Variants in BRINP3 observed in about 807,000 individuals in gnomAD.
BRINP3 encodes BMP/retinoic acid inducible neural specific 3.
In BRINP3, 19 loss-of-function variants were observed where a neutral mutation model predicts 71.0. The observed-to-expected ratio is 0.27, with a 90% CI of 0.19 to 0.39. The LOEUF is 0.39. BRINP3 is among the 10% of genes least tolerant of loss of function. The pLI is 1.00. For missense variants in BRINP3, 959 were observed against 940.8 expected, an observed-to-expected ratio of 1.02 and a Z score of -0.25; for synonymous variants, 380 against 337.7, an observed-to-expected ratio of 1.13 and a Z score of -1.37.
chr1:190,309,449 T>C (rs1665363483), intron 2 of BRINP3, among the ~76,000 whole-genome samples: 1 of 151,926 alleles, frequency 6.6e-6, no homozygotes, highest in South Asian at 2.1e-4. Flanking sequence ...TGATAAATTT[T>C]ATGATACGTC....
chr1:190,323,459 C>T (rs565764559), intron 2 of BRINP3, among the ~76,000 whole-genome samples: 1 of 151,514 alleles, frequency 6.6e-6, no homozygotes, highest in African/African-American at 2.4e-5. Flanking sequence ...ATATGAAAAC[C>T]CTTTAACGAT....
At chr1:190,271,637 T>C (rs779032813) in intron 3 of BRINP3, among the ~76,000 whole-genome samples, 8 of 151,570 alleles carry the variant, frequency 5.3e-5, no homozygotes, top group East Asian at 3.9e-4. Flanking sequence ...TCTGCAATGA[T>C]ATACAGAGAG....
At chr1:190,232,324 C>G (rs1487742312) in intron 5 of BRINP3, among the ~76,000 whole-genome samples, 1 of 151,998 alleles carries the variant, frequency 6.6e-6, no homozygotes, top group East Asian at 1.9e-4. Context: ...CCAGAATTAA[C>G]AAATTGTTCC....
At chr1:190,239,499 C>T (rs372675046) in intron 4 of BRINP3, among the ~76,000 whole-genome samples, 15 of 151,964 alleles carry the variant, frequency 9.9e-5, no homozygotes, top group East Asian at 5.8e-4. Context: ...GTTACCCTTT[C>T]GATATAGAAA....
chr1:190,446,972 A>C (rs972667913), intron 2 of BRINP3, among the ~76,000 whole-genome samples: 3 of 151,998 alleles, frequency 2.0e-5, no homozygotes, highest in Admixed American at 2.0e-4. Flanking sequence ...GAAAAAGTGT[A>C]TAAAATTAAA....
At chr1:190,475,826 GT>G (rs994387960) in intron 1 of BRINP3, 31 of 148,896 alleles carry the variant, frequency 2.1e-4, no homozygotes, top group African/African-American at 4.9e-4. Context: ...TGTACTGAAA[GT>G]TTTTTTTTTC....
intron 2 of BRINP3, among the ~76,000 whole-genome samples, chr1:190,429,593 C>CTTT (rs66510191): frequency 4.3e-5 from 6 of 139,008 alleles, no homozygotes; most frequent in Non-Finnish European, 7.8e-5. Flanking sequence ...TTCTTTCTTC[C>CTTT]TTTTTTTTTT....
In BRINP3 at chr1:190,277,113, A is replaced by ATATATATATATATATTTATTTATT. The variant is rs746851050; in HGVS notation, c.427+4446_427+4447insAATAAATAAATATATATATATATA. On this transcript the variant is annotated intron_variant, in intron 3 of 7. Coordinates refer to ENST00000367462, the MANE Select transcript of BRINP3 (RefSeq NM_199051.3). ...TATATATATATATATATATATATAT[A>ATATATATATATATATTTATTTATT]TATATTTATATTCAGAAAAGAAAAC... Among the ~76,000 whole-genome samples the ATATATATATATATATTTATTTATT allele has an allele frequency of 2.8e-5, 3 of 107,486 alleles. No homozygotes were observed. The Admixed American group carries it at 3.4e-4, about 12-fold the overall frequency. The allele number at this position is 107,486 out of a possible 152,430, so 70.5% of individuals were successfully genotyped here.
intron 7 of BRINP3, among the ~76,000 whole-genome samples, chr1:190,144,735 A>C (rs368322870): frequency 7.2e-4 from 109 of 152,226 alleles, no homozygotes; most frequent in African/African-American, 2.4e-3. Context: ...GTATTTTATC[A>C]CTTTTCCCAA....
intron 2 of BRINP3, among the ~76,000 whole-genome samples, chr1:190,434,813 A>T (rs2102526184): frequency 6.6e-6 from 1 of 152,246 alleles, no homozygotes; most frequent in African/African-American, 2.4e-5. Context: ...AGCCTGAAAA[A>T]CTATGAACGT....
chr1:190,202,296 T>C (rs1290961847), intron 6 of BRINP3, among the ~76,000 whole-genome samples: 4 of 152,166 alleles, frequency 2.6e-5, no homozygotes, highest in Admixed American at 2.6e-4. Flanking sequence ...TTTGGCCAGT[T>C]TCTCCCATTT....
chr1:190,123,772 C>T (rs527691756), intron 7 of BRINP3, among the ~76,000 whole-genome samples: 10 of 152,082 alleles, frequency 6.6e-5, no homozygotes, highest in Non-Finnish European at 1.3e-4. Flanking sequence ...TTATTCAAAG[C>T]CCATACAATT....
intron 2 of BRINP3, among the ~76,000 whole-genome samples, chr1:190,399,426 A>G (rs982243163): frequency 6.6e-6 from 1 of 152,036 alleles, no homozygotes; most frequent in South Asian, 2.1e-4. Flanking sequence ...CAATGGCTTC[A>G]AACTAAAAAT....
intron 2 of BRINP3, among the ~76,000 whole-genome samples, chr1:190,449,225 A>T (rs1675438950): frequency 6.6e-6 from 1 of 151,822 alleles, no homozygotes; most frequent in Non-Finnish European, 1.5e-5. Context: ...GCTACATTTT[A>T]TTTTATTTGC....
intron 1 of BRINP3, among the ~76,000 whole-genome samples, chr1:190,467,257 C>A (rs1011632268): frequency 6.6e-6 from 1 of 151,434 alleles, no homozygotes; most frequent in Non-Finnish European, 1.5e-5. Flanking sequence ...CTACAAATAG[C>A]AAAAAACTGT....
At chr1:190,257,424 G>A (rs1660767352) in intron 4 of BRINP3, among the ~76,000 whole-genome samples, 1 of 152,078 alleles carries the variant, frequency 6.6e-6, no homozygotes, top group African/African-American at 2.4e-5. Context: ...CCTTGCGATG[G>A]GTTCGAACAT....
At chr1:190,327,352 G>GAAAAAAAAAA (rs796445574) in intron 2 of BRINP3, among the ~76,000 whole-genome samples, 2 of 77,434 alleles carry the variant, frequency 2.6e-5, no homozygotes, top group Non-Finnish European at 5.6e-5. Context: ...AAAAAAAAAG[G>GAAAAAAAAAA]AAAAAAAAAA....
At chr1:190,364,185 T>C (rs765044217) in intron 2 of BRINP3, among the ~76,000 whole-genome samples, 4 of 152,084 alleles carry the variant, frequency 2.6e-5, no homozygotes, top group Admixed American at 6.6e-5. Flanking sequence ...TGTCAGTCAA[T>C]AGTTTAATAA....
At chr1:190,349,004 T>C (rs192436345) in intron 2 of BRINP3, among the ~76,000 whole-genome samples, 213 of 152,290 alleles carry the variant, frequency 1.4e-3, no homozygotes, top group South Asian at 2.1e-3. Context: ...GAGGAACTTA[T>C]ACATTGAGTT....
Sources: allele counts gnomAD v4.1 joint callset (sites outside exome capture counted in the v4.1 genomes callset), GRCh38; gene constraint gnomAD v4.1.1; transcripts MANE v1.5; gene names NCBI Gene and HGNC (gene_info 2026-07-23, HGNC 2026-07-21).